The following RGS7 variants were observed in gnomAD, a reference collection of about 807,000 sequenced individuals.
RGS7 encodes regulator of G-protein signaling 7.
RGS7 carries 27 observed loss-of-function variants against 81.1 expected under a neutral mutation model. The observed-to-expected ratio is 0.33, with a 90% CI of 0.25 to 0.46. The LOEUF is 0.46. RGS7 is among the 20% of genes least tolerant of loss of function. RGS7 has a pLI of 1.00. For missense variants in RGS7, 396 were observed against 607.4 expected, an observed-to-expected ratio of 0.65 and a Z score of 3.66; for synonymous variants, 208 against 207.7, an observed-to-expected ratio of 1.00 and a Z score of -0.01.
intron 9 of RGS7, among the ~76,000 whole-genome samples, chr1:240,842,038 G>A (rs555121802): frequency 2.0e-4 from 30 of 152,004 alleles, no homozygotes; most frequent in Admixed American, 3.3e-4. Context: ...AATACTGCAC[G>A]TAAAAGGGGT....
intron 6 of RGS7, among the ~76,000 whole-genome samples, chr1:240,908,588 C>T (rs556531966): frequency 1.1e-4 from 16 of 152,260 alleles, no homozygotes; most frequent in Admixed American, 7.8e-4. Flanking sequence ...ACCTCCCTTC[C>T]ACTCCCTCCC....
chr1:241,259,433 T>C (rs1171238102), intron 2 of RGS7, among the ~76,000 whole-genome samples: 1 of 151,438 alleles, frequency 6.6e-6, no homozygotes, highest in African/African-American at 2.4e-5. Flanking sequence ...GGCGGGTGGA[T>C]CACCTGAGAT....
At position 241,290,362 on chromosome 1, in the gene RGS7, T is replaced by C. The variant is rs573740776; in HGVS notation, c.78+65337A>G. On this transcript the variant is annotated intron_variant, in intron 2 of 18. Coordinates refer to ENST00000440928, the MANE Select transcript of RGS7 (RefSeq NM_001364886.1). ...GCTAACAGATTGAATTTTTAAAATA[T>C]ATGAATAACTTTTCTGACAAAAGCT... Among the ~76,000 whole-genome samples the C allele has an allele frequency of 2.0e-5, 3 of 152,340 alleles. No individual in the cohort carries two copies. In the South Asian group the frequency reaches 6.2e-4, roughly 32 times the overall value.
chr1:241,138,821 T>C (rs992707053), intron 2 of RGS7, among the ~76,000 whole-genome samples: 1 of 152,190 alleles, frequency 6.6e-6, no homozygotes, highest in African/African-American at 2.4e-5. Flanking sequence ...AATATATGCT[T>C]TTTTTAAAAA....
At chr1:241,176,724 A>G (rs2071175735) in intron 2 of RGS7, among the ~76,000 whole-genome samples, 1 of 152,112 alleles carries the variant, frequency 6.6e-6, no homozygotes, top group Non-Finnish European at 1.5e-5. Context: ...TGACTGTAAT[A>G]TTAACTTTAT....
chr1:240,896,715 C>T (rs1196221054), intron 6 of RGS7, among the ~76,000 whole-genome samples: 6 of 152,042 alleles, frequency 3.9e-5, no homozygotes, highest in Non-Finnish European at 8.8e-5. Context: ...GTCAGGTTAG[C>T]GTGATGCCTC....
chr1:240,852,023 G>T (rs981325668), intron 9 of RGS7, among the ~76,000 whole-genome samples: 1 of 152,224 alleles, frequency 6.6e-6, no homozygotes, highest in Non-Finnish European at 1.5e-5. Flanking sequence ...CGAGGACAGG[G>T]TTTGAAAGGA....
intron 2 of RGS7, among the ~76,000 whole-genome samples, chr1:241,255,102 T>C (rs997262765): frequency 3.3e-5 from 5 of 152,210 alleles, no homozygotes; most frequent in African/African-American, 9.6e-5. Context: ...TTTAAATAAG[T>C]GAACACCATT....
At chr1:240,946,229 CCT>C (rs528221123) in intron 4 of RGS7, among the ~76,000 whole-genome samples, 1,905 of 152,168 alleles carry the variant, frequency 0.013, 12 homozygotes, top group Non-Finnish European at 0.022. Context: ...AAAATCCCCC[CCT>C]CTTTTCTTCA....
intron 2 of RGS7, among the ~76,000 whole-genome samples, chr1:241,187,237 A>C (rs897762708): frequency 3.3e-5 from 5 of 152,162 alleles, no homozygotes; most frequent in Non-Finnish European, 7.3e-5. Flanking sequence ...ATTTAGGCTG[A>C]ACATCCACCA....
intron 2 of RGS7, among the ~76,000 whole-genome samples, chr1:241,341,251 T>A (rs900423810): frequency 1.3e-5 from 2 of 152,204 alleles, no homozygotes; most frequent in African/African-American, 4.8e-5. Flanking sequence ...AACTGACTTG[T>A]CCAAGATTAT....
chr1:240,826,991 G>T, intron 10 of RGS7, 107 bp downstream of exon 10: 1 of 914,094 alleles, frequency 1.1e-6, no homozygotes, highest in South Asian at 1.3e-5. Context: ...AGGCTGGGAA[G>T]AGTGGGAAAG....
intron 9 of RGS7, 90 bp from the exon 10 acceptor site, chr1:240,827,262 G>A (rs183882836): frequency 1.8e-5 from 18 of 997,596 alleles, no homozygotes; most frequent in East Asian, 7.2e-5. Context: ...TCCAGAGCCC[G>A]AGCAAATGCC....
chr1:240,888,321 GT>G (rs941191940), intron 6 of RGS7, among the ~76,000 whole-genome samples: 7 of 152,198 alleles, frequency 4.6e-5, no homozygotes, highest in African/African-American at 1.4e-4. Context: ...CAGTAAAGGG[GT>G]CTTATGTGGG....
chr1:241,121,186 T>C (rs1217651987), intron 2 of RGS7, among the ~76,000 whole-genome samples: 1 of 152,108 alleles, frequency 6.6e-6, no homozygotes, highest in African/African-American at 2.4e-5. Context: ...TTGTAAAATA[T>C]TGGGTGAAAA....
chr1:241,327,077 G>GAAAGAAAGA (rs2081589384), intron 2 of RGS7, among the ~76,000 whole-genome samples: 3 of 31,506 alleles, frequency 9.5e-5, no homozygotes, highest in Non-Finnish European at 1.7e-4. Context: ...AGGAAGGAAG[G>GAAAGAAAGA]AAGAGAAAGA....
At chr1:241,345,305 G>A (rs1317716674) in intron 2 of RGS7, among the ~76,000 whole-genome samples, 1 of 152,138 alleles carries the variant, frequency 6.6e-6, no homozygotes, top group Admixed American at 6.5e-5. Context: ...CTTAATACCC[G>A]AGTGAAGAAA....
intron 2 of RGS7, among the ~76,000 whole-genome samples, chr1:241,278,741 G>C (rs1401076048): frequency 6.6e-6 from 1 of 152,148 alleles, no homozygotes; most frequent in Non-Finnish European, 1.5e-5. Flanking sequence ...TCTACGTTCT[G>C]TTGGCTTTGT....
chr1:241,045,450 G>A (rs1435449036), intron 3 of RGS7, among the ~76,000 whole-genome samples: 7 of 152,044 alleles, frequency 4.6e-5, no homozygotes, highest in African/African-American at 1.2e-4. Flanking sequence ...TGCAACCTCC[G>A]CCTCCCAGAT....
Sources: allele counts gnomAD v4.1 joint callset (sites outside exome capture counted in the v4.1 genomes callset), GRCh38; gene constraint gnomAD v4.1.1; transcripts MANE v1.5; gene names NCBI Gene and HGNC (gene_info 2026-07-23, HGNC 2026-07-21).